DNER: variants seen among roughly 807,000 people sequenced by gnomAD.
The protein encoded by DNER is delta and Notch-like epidermal growth factor-related receptor.
In DNER, 33 loss-of-function variants were observed where a neutral mutation model predicts 78.2. The ratio of observed to expected loss-of-function variants is 0.42; its 90% CI spans 0.32 to 0.56. The LOEUF (loss-of-function observed/expected upper bound fraction) is 0.56. Among genes scored for constraint, DNER ranks in the 20% least tolerant of loss-of-function variants. DNER has a pLI of 0.11. For synonymous variants in DNER, 417 were observed against 384.8 expected (o/e 1.08, Z -0.98); for missense variants, 918 against 975.3 (o/e 0.94, Z 0.78).
chr2:229,431,792 TA>T (rs11311506), intron 8 of DNER, among the ~76,000 whole-genome samples: 8,651 of 146,862 alleles, frequency 0.059, 506 homozygotes, highest in African/African-American at 0.15. Context: ...TAATAATAAT[TA>T]AAAAAAAAGA....
intron 1 of DNER, among the ~76,000 whole-genome samples, chr2:229,667,850 A>C (rs1220243399): frequency 1.3e-5 from 2 of 152,204 alleles, no homozygotes; most frequent in African/African-American, 2.4e-5. Flanking sequence ...AAGGAGTGAT[A>C]ATTTGCTTTC....
At chr2:229,572,333 A>G (rs1221492844) in intron 4 of DNER, among the ~76,000 whole-genome samples, 1 of 152,212 alleles carries the variant, frequency 6.6e-6, no homozygotes, top group Non-Finnish European at 1.5e-5. Context: ...AATATTGAAT[A>G]GACACTCCTT....
chr2:229,600,237 G>A (rs1190075608), intron 1 of DNER, among the ~76,000 whole-genome samples: 2 of 152,218 alleles, frequency 1.3e-5, no homozygotes, highest in Admixed American at 6.5e-5. Context: ...TACAACCACA[G>A]CCACCTGTTT....
At chr2:229,382,216 T>C (rs183010565) in intron 11 of DNER, among the ~76,000 whole-genome samples, 4 of 152,166 alleles carry the variant, frequency 2.6e-5, no homozygotes. Context: ...AGGAATAGCA[T>C]CAACATCAAC....
intron 7 of DNER, 27 bp downstream of exon 7, chr2:229,477,113 C>A (rs372714221): frequency 9.5e-6 from 15 of 1,575,702 alleles, no homozygotes; most frequent in African/African-American, 1.4e-5. Context: ...GAAAAAAGTT[C>A]TTTCTGGAGT....
At chr2:229,560,385 C>T (rs1696933486) in intron 4 of DNER, among the ~76,000 whole-genome samples, 1 of 152,094 alleles carries the variant, frequency 6.6e-6, no homozygotes, top group Admixed American at 6.5e-5. Flanking sequence ...AACCAATAAC[C>T]TAAAAAAATG....
intron 9 of DNER, 46 bp downstream of exon 9, chr2:229,418,062 G>A (rs761167030): frequency 2.9e-5 from 46 of 1,613,510 alleles, no homozygotes; most frequent in Admixed American, 2.2e-4. Flanking sequence ...AATACATGAC[G>A]TCATTTAGAG....
At position 229,555,596 on chromosome 2, in the gene DNER, C is replaced by G. The variant is rs545900524; in HGVS notation, c.848-8504G>C. ...TATCTTGGGTGGCTTCTTATACCAC[C>G]TTTACTGAAGCTTCCTTGATGGCAA... On this transcript the variant is annotated intron_variant, in intron 4 of 12. Coordinates refer to ENST00000341772, the MANE Select transcript of DNER (RefSeq NM_139072.4). Among the ~76,000 whole-genome samples, 21 of 152,262 alleles carry G rather than the reference C, an allele frequency of 1.4e-4. 1 individual carries two copies. In the South Asian group the frequency reaches 3.5e-3, roughly 26 times the overall value.
At chr2:229,602,558 G>A (rs1462896180) in intron 1 of DNER, among the ~76,000 whole-genome samples, 1 of 152,142 alleles carries the variant, frequency 6.6e-6, no homozygotes, top group Non-Finnish European at 1.5e-5. Context: ...CAGACTGTAT[G>A]ATTATTCATG....
At chr2:229,476,463 G>T (rs900144811) in intron 7 of DNER, among the ~76,000 whole-genome samples, 1 of 152,158 alleles carries the variant, frequency 6.6e-6, no homozygotes, top group East Asian at 1.9e-4. Flanking sequence ...ACTCTATGTA[G>T]TTGTCAATGT....
intron 11 of DNER, among the ~76,000 whole-genome samples, chr2:229,369,721 T>C (rs899188292): frequency 2.0e-5 from 3 of 152,206 alleles, no homozygotes; most frequent in African/African-American, 4.8e-5. Context: ...ATCTCTGTGA[T>C]TGGCGTAGGT....
intron 7 of DNER, among the ~76,000 whole-genome samples, chr2:229,460,174 A>AG (rs1694665495): frequency 6.6e-6 from 1 of 150,844 alleles, no homozygotes; most frequent in Non-Finnish European, 1.5e-5. Flanking sequence ...AAAAAAAAAA[A>AG]AAAAAAAATT....
At chr2:229,585,001 A>T (rs1336967629) in intron 4 of DNER, among the ~76,000 whole-genome samples, 1 of 152,104 alleles carries the variant, frequency 6.6e-6, no homozygotes, top group Non-Finnish European at 1.5e-5. Context: ...GAGAGTAAAA[A>T]GTTAGAAGTG....
chr2:229,453,793 G>A (rs7577257), intron 7 of DNER, among the ~76,000 whole-genome samples: 146,946 of 152,068 alleles, frequency 0.97, 71,048 homozygotes, highest in South Asian at 0.99. Flanking sequence ...AAGCTTGGAA[G>A]ATGGTAGGCA....
At position 229,487,906 on chromosome 2, in the gene DNER, G is replaced by A. The variant is rs944524448; in HGVS notation, c.1148-10653C>T. On this transcript the variant is annotated intron_variant, in intron 6 of 12. Coordinates refer to ENST00000341772, the MANE Select transcript of DNER (RefSeq NM_139072.4). Reference sequence around the variant, plus strand: ...CCAGGCTAGCCTCACTGATGTGCCGGGGAAACAAGGCTAGGCTAGGGCCCC... The same window carrying A: ...CCAGGCTAGCCTCACTGATGTGCCGAGGAAACAAGGCTAGGCTAGGGCCCC... 1.4e-4 allele frequency among the ~76,000 whole-genome samples: 21 copies of A among 152,232 alleles called. 3 individuals are homozygous for A. The highest frequency in any genetic ancestry group is 1.1e-3 in the Admixed American group (17 of 15,280).
At chr2:229,554,461 G>A (rs1416511587) in intron 4 of DNER, among the ~76,000 whole-genome samples, 2 of 152,124 alleles carry the variant, frequency 1.3e-5, no homozygotes, top group African/African-American at 4.8e-5. Context: ...GGAGTCCAAG[G>A]TGGGCAGATC....
intron 1 of DNER, among the ~76,000 whole-genome samples, chr2:229,644,450 TCTC>T (rs1399934953): frequency 1.3e-5 from 2 of 149,480 alleles, no homozygotes; most frequent in Non-Finnish European, 3.0e-5. Flanking sequence ...TTCAAGCAAT[TCTC>T]CTACCTCAGC....
chr2:229,595,281 CTAA>C (rs1697690743), intron 1 of DNER, among the ~76,000 whole-genome samples: 1 of 147,692 alleles, frequency 6.8e-6, no homozygotes, highest in African/African-American at 2.6e-5. Context: ...AAAGTATTCA[CTAA>C]TTTTTTTTTT....
Position 229,368,844 on chromosome 2 carries a change from C to G in DNER, c.1856-1725G>C, listed in dbSNP as rs562718579. 4.6e-5 allele frequency among the ~76,000 whole-genome samples: 7 copies of G among 152,314 alleles called. No individual in the cohort carries two copies. The South Asian group carries it at 6.2e-4, about 14-fold the overall frequency. ...CCTTTGCACAGCAACATACTAACAA[C>G]AGTGATCTCTAAAAGACAGGATTAA... On this transcript the variant is annotated intron_variant, in intron 11 of 12. Coordinates refer to ENST00000341772, the MANE Select transcript of DNER (RefSeq NM_139072.4).
Sources: gnomAD v4.1 joint callset for allele counts (sites outside exome capture counted in the v4.1 genomes callset) on GRCh38, gnomAD v4.1.1 for gene constraint, MANE v1.5 for transcripts, NCBI Gene and HGNC (gene_info 2026-07-23, HGNC 2026-07-21) for gene names.